The following RPTOR variants were observed in gnomAD, a reference collection of about 807,000 sequenced individuals.
RPTOR encodes regulatory-associated protein of mTOR.
In RPTOR, 21 loss-of-function variants were observed where a neutral mutation model predicts 169.9. The ratio of observed to expected loss-of-function variants is 0.12; its 90% confidence interval spans 0.09 to 0.18. The LOEUF (loss-of-function observed/expected upper bound fraction) is 0.18. RPTOR is among the 10% of genes least tolerant of loss of function. The pLI is 1.00. For missense variants in RPTOR, 1,133 were observed against 1,855.9 expected, an observed-to-expected ratio of 0.61 and a Z score of 7.16; for synonymous variants, 732 against 753.2, an observed-to-expected ratio of 0.97 and a Z score of 0.46.
chr17:80,720,077 G>A (rs1026723911), intron 4 of RPTOR, among the ~76,000 whole-genome samples: 3 of 152,062 alleles, frequency 2.0e-5, no homozygotes, highest in African/African-American at 4.8e-5. Flanking sequence ...CGAGGCGGGC[G>A]GATCACCTGA....
At position 80,957,138 on chromosome 17, in the gene RPTOR, G is replaced by A. The variant is rs2069261863; in HGVS notation, c.3371-486G>A. On this transcript the variant is annotated intron_variant, in intron 28 of 33. Coordinates refer to ENST00000306801, the MANE Select transcript of RPTOR (RefSeq NM_020761.3). The surrounding 1 kb of genome is among the most constrained non-coding windows in gnomAD (Gnocchi z 4.6). ...CTGTCACCCCGGCCTGGACTTGGGA[G>A]TTCCAGCTTAGAATTGTCACCCCGG... Among the ~76,000 whole-genome samples, 1 of 129,660 alleles carries A rather than the reference G, an allele frequency of 7.7e-6. No individual in the cohort carries two copies. The highest frequency in any genetic ancestry group is 1.6e-5 in the Non-Finnish European group (1 of 61,784). The allele number at this position is 129,660 out of a possible 152,430, so 85.1% of individuals were successfully genotyped here. A position where few individuals can be genotyped will look rare whatever the true frequency, so the allele number is the denominator to read the frequency against.
chr17:80,688,167 G>C (rs1184849299), intron 3 of RPTOR, among the ~76,000 whole-genome samples: 7 of 152,330 alleles, frequency 4.6e-5, no homozygotes, highest in African/African-American at 1.7e-4. Flanking sequence ...TAGCACTGCT[G>C]CCTGTTAGCC....
At chr17:80,880,243 C>T (rs957018224) in intron 13 of RPTOR, among the ~76,000 whole-genome samples, 172 bp from the exon 14 acceptor site, 7 of 152,298 alleles carry the variant, frequency 4.6e-5, no homozygotes, top group African/African-American at 1.2e-4. Context: ...CCAAGGAAAG[C>T]ATGTCTGCAG....
intron 1 of RPTOR, among the ~76,000 whole-genome samples, chr17:80,622,555 G>T (rs948852724): frequency 6.6e-6 from 1 of 152,212 alleles, no homozygotes; most frequent in Admixed American, 6.5e-5. Context: ...TCTGTGGGAA[G>T]ACATTCTTCT....
intron 33 of RPTOR, 21 bp downstream of exon 33, chr17:80,963,078 G>T: frequency 7.3e-7 from 1 of 1,367,916 alleles, no homozygotes; most frequent in Non-Finnish European, 1.0e-6. Context: ...CGGTGGGTGG[G>T]GGTCGGGGGT....
chr17:80,833,082 G>A (rs987267805), intron 9 of RPTOR, among the ~76,000 whole-genome samples: 10 of 132,292 alleles, frequency 7.6e-5, no homozygotes, highest in African/African-American at 2.7e-4. Flanking sequence ...TTTCTCTGCG[G>A]TAATAACCCG....
rs34177980 is a variant in RPTOR, at chr17:80,695,988, C to T, written c.349-11853C>T. On this transcript the variant is annotated intron_variant, in intron 3 of 33. Coordinates refer to ENST00000306801, the MANE Select transcript of RPTOR (RefSeq NM_020761.3). The surrounding 1 kb of genome is among the most constrained non-coding windows in gnomAD (Gnocchi z 4.9). ...GGTTACATCTTAGATGGAAATTGGC[C>T]GTGTCTCTGCTGTTTCTGAGTGTGC... Among the ~76,000 whole-genome samples, 40,491 of 152,132 alleles carry T rather than the reference C, an allele frequency of 0.27. 7,444 individuals carry two copies. Among genetic ancestry groups the T allele is most frequent in the African/African-American group, 0.53 (21,918 of 41,474 alleles).
At chr17:80,788,695 T>C (rs183064331) in intron 6 of RPTOR, among the ~76,000 whole-genome samples, 14 of 152,350 alleles carry the variant, frequency 9.2e-5, no homozygotes, top group Non-Finnish European at 1.0e-4. Flanking sequence ...TTCCTCTGTA[T>C]ATCATAAGAC....
intron 26 of RPTOR, among the ~76,000 whole-genome samples, chr17:80,946,083 A>T (rs2069099834): frequency 6.6e-6 from 1 of 152,112 alleles, no homozygotes; most frequent in African/African-American, 2.4e-5. Flanking sequence ...AGGCGTACAC[A>T]GGGGGGCCAG....
chr17:80,947,457 C>T lies in RPTOR; in HGVS notation c.3265+106C>T. The T allele has an allele frequency of 5.1e-6, 7 of 1,376,100 alleles. No homozygotes were observed. Among genetic ancestry groups the T allele is most frequent in the Non-Finnish European group, 5.7e-6 (6 of 1,056,880 alleles). The allele number at this position is 1,376,100 out of a possible 1,614,324, so 85.2% of individuals were successfully genotyped here. On this transcript the variant is annotated intron_variant, in intron 27 of 33. Transcript: ENST00000306801. This position sits in a 1 kb window ranked among gnomAD's most constrained non-coding sequence, Gnocchi z 4.4. ...TTGTACATCTGTCTTACAGAAAGCCCTGCTCACACGCGAGGGCCACTGTCA... is the reference window on the plus strand; with the variant it reads ...TTGTACATCTGTCTTACAGAAAGCCTTGCTCACACGCGAGGGCCACTGTCA...
At chr17:80,797,569 C>T (rs1241856009) in intron 7 of RPTOR, among the ~76,000 whole-genome samples, 1 of 152,226 alleles carries the variant, frequency 6.6e-6, no homozygotes, top group Non-Finnish European at 1.5e-5. Context: ...AGGCGTGAGC[C>T]ACCACGCCCA....
chr17:80,675,963 T>TG (rs1464046906), intron 3 of RPTOR, among the ~76,000 whole-genome samples: 1 of 152,194 alleles, frequency 6.6e-6, no homozygotes, highest in African/African-American at 2.4e-5. Flanking sequence ...CTTTTGAGAG[T>TG]GTGAATTTCA....
chr17:80,845,290 C>T lies in RPTOR; in HGVS notation c.1213-1183C>T, dbSNP rs1430906640. Among the ~76,000 whole-genome samples the T allele has an allele frequency of 6.6e-6, 1 of 152,176 alleles. No individual in the cohort carries two copies. Among genetic ancestry groups the T allele is most frequent in the Non-Finnish European group, 1.5e-5 (1 of 68,026 alleles). On this transcript the variant is annotated intron_variant, in intron 10 of 33. Transcript: ENST00000306801. This position sits in a 1 kb window ranked among gnomAD's most constrained non-coding sequence, Gnocchi z 5.4. Reference sequence around the variant, plus strand: ...GCCCACGGAGAACTCGTGTCACCCCCTCGAGGGGCCCTGATGCCGCCTGAC... The same window carrying T: ...GCCCACGGAGAACTCGTGTCACCCCTTCGAGGGGCCCTGATGCCGCCTGAC...
intron 5 of RPTOR, among the ~76,000 whole-genome samples, chr17:80,748,105 G>A (rs1359376819): frequency 8.6e-6 from 1 of 116,288 alleles, no homozygotes; most frequent in African/African-American, 4.4e-5. Context: ...CGTGGCGGGA[G>A]GACCTGTTGG....
intron 1 of RPTOR, among the ~76,000 whole-genome samples, chr17:80,546,927 G>T (rs191726186): frequency 1.3e-5 from 2 of 152,174 alleles, no homozygotes; most frequent in Admixed American, 1.3e-4. Context: ...AAATTAGCTG[G>T]GCTTGGTGGC....
intron 28 of RPTOR, among the ~76,000 whole-genome samples, chr17:80,950,309 G>C (rs965707676): frequency 6.6e-6 from 1 of 152,174 alleles, no homozygotes; most frequent in Non-Finnish European, 1.5e-5. Flanking sequence ...CTGTGTCTTC[G>C]TCTGTGGCCT....
At chr17:80,895,668 G>A (rs904150943) in intron 20 of RPTOR, among the ~76,000 whole-genome samples, 2 of 152,248 alleles carry the variant, frequency 1.3e-5, no homozygotes, top group African/African-American at 4.8e-5. Context: ...AACGGTGCCT[G>A]CACCTTCAGC....
chr17:80,640,290 CCACTT>C (rs1383769081), intron 2 of RPTOR, among the ~76,000 whole-genome samples: 1 of 152,198 alleles, frequency 6.6e-6, no homozygotes, highest in Non-Finnish European at 1.5e-5. Flanking sequence ...TATGATCTGT[CCACTT>C]CACCCCACAT....
intron 12 of RPTOR, among the ~76,000 whole-genome samples, chr17:80,857,478 C>T (rs934365877): frequency 9.2e-5 from 14 of 152,190 alleles, no homozygotes; most frequent in Non-Finnish European, 7.4e-5. Context: ...CAAGAGCAGA[C>T]GAGGCCACTG....
Sources: allele counts gnomAD v4.1 joint callset (sites outside exome capture counted in the v4.1 genomes callset), GRCh38; gene constraint gnomAD v4.1.1; non-coding constraint Gnocchi (gnomAD v3.1); transcripts MANE v1.5; gene names NCBI Gene and HGNC (gene_info 2026-07-23, HGNC 2026-07-21).